The following ADGRL2 variants were observed in gnomAD, a reference collection of about 807,000 sequenced individuals.
The protein encoded by ADGRL2 is calcium-independent alpha-latrotoxin receptor 2.
In ADGRL2, 44 loss-of-function variants were observed where a neutral mutation model predicts 157.4. The ratio of observed to expected loss-of-function variants is 0.28; its 90% confidence interval spans 0.22 to 0.36. The LOEUF is 0.36. ADGRL2 is among the 10% of genes least tolerant of loss of function. The pLI, the probability that ADGRL2 is intolerant of heterozygous loss-of-function variation, is 1.00. For missense variants in ADGRL2, 1,510 were observed against 1,768.9 expected (o/e 0.85, Z 2.63); for synonymous variants, 585 against 624.7 (o/e 0.94, Z 0.95).
chr1:81,545,753 T>A (rs1420889380), intron 2 of ADGRL2, among the ~76,000 whole-genome samples: 1 of 152,182 alleles, frequency 6.6e-6, no homozygotes, highest in African/African-American at 2.4e-5. Context: ...GGCTAGTAAA[T>A]GATGATTCTA....
At chr1:81,367,498 G>A (rs1408256581) in intron 1 of ADGRL2, among the ~76,000 whole-genome samples, 1 of 152,174 alleles carries the variant, frequency 6.6e-6, no homozygotes, top group Non-Finnish European at 1.5e-5. Context: ...GGGTTAGTTT[G>A]CCAAGGATAA....
At chr1:81,917,677 A>ATT (rs1557908494) in intron 3 of ADGRL2, among the ~76,000 whole-genome samples, 6 of 152,180 alleles carry the variant, frequency 3.9e-5, no homozygotes, top group Non-Finnish European at 8.8e-5. Context: ...TCACCTATCT[A>ATT]CATTACTCAT....
intron 2 of ADGRL2, among the ~76,000 whole-genome samples, chr1:81,782,279 T>C (rs1178102601): frequency 6.6e-6 from 1 of 152,176 alleles, no homozygotes; most frequent in Non-Finnish European, 1.5e-5. Flanking sequence ...TCCTTCTTCT[T>C]ATTGAATTAA....
chr1:81,655,519 C>T (rs2082514766), intron 3 of ADGRL2, among the ~76,000 whole-genome samples: 1 of 152,158 alleles, frequency 6.6e-6, no homozygotes, highest in African/African-American at 2.4e-5. Context: ...TACACGCGTC[C>T]TCAAAGTTCC....
At chr1:81,801,767 G>T (rs1236749526) in intron 1 of ADGRL2, among the ~76,000 whole-genome samples, 1 of 152,160 alleles carries the variant, frequency 6.6e-6, no homozygotes, top group Non-Finnish European at 1.5e-5. Context: ...AAACTGAGTT[G>T]GCCTCGCGCC....
At chr1:81,508,863 TA>T (rs2079026674) in intron 2 of ADGRL2, among the ~76,000 whole-genome samples, 1 of 152,176 alleles carries the variant, frequency 6.6e-6, no homozygotes, top group Non-Finnish European at 1.5e-5. Flanking sequence ...TATATATTAT[TA>T]GTTGGAAAAT....
At position 81,680,418 on chromosome 1, in the gene ADGRL2, A is replaced by C. The variant is rs1230753547; in HGVS notation, c.-142-81393A>C. ...TTCAGATACATTTATTGAGTAGGGC[A>C]GCAGCCGAAAATGGAAATGAAACCG... is the stretch of plus-strand genomic sequence containing the variant. On this transcript the variant is annotated intron_variant, in intron 3 of 24. Transcript: ENST00000370721. Among the ~76,000 whole-genome samples the C allele has an allele frequency of 2.6e-5, 4 of 152,196 alleles. No homozygotes were observed. The East Asian group carries it at 7.7e-4, about 29-fold the overall frequency.
intron 17 of ADGRL2, 77 bp downstream of exon 17, chr1:81,971,995 ATTGT>A: frequency 5.7e-6 from 5 of 879,400 alleles, no homozygotes; most frequent in South Asian, 3.2e-5. Flanking sequence ...AATTTGTTTT[ATTGT>A]TTGTTTATCT....
At chr1:81,327,840 T>G (rs566214219) in intron 1 of ADGRL2, among the ~76,000 whole-genome samples, 1 of 152,244 alleles carries the variant, frequency 6.6e-6, no homozygotes, top group South Asian at 2.1e-4. Flanking sequence ...GTTTAAAACG[T>G]ATAGGTCATC....
At chr1:81,616,726 G>A (rs1156665777) in intron 3 of ADGRL2, among the ~76,000 whole-genome samples, 1 of 133,762 alleles carries the variant, frequency 7.5e-6, no homozygotes, top group Admixed American at 8.9e-5. Flanking sequence ...GCCCTGGCTG[G>A]AGTGCAGTGG....
chr1:81,883,539 T>C (rs537100508), intron 2 of ADGRL2, among the ~76,000 whole-genome samples: 16 of 152,202 alleles, frequency 1.1e-4, no homozygotes, highest in Admixed American at 6.5e-4. Context: ...AAAATAAAAA[T>C]GGGGGGAAAG....
chr1:81,874,731 A>C (rs2093791461), intron 2 of ADGRL2, among the ~76,000 whole-genome samples: 1 of 146,876 alleles, frequency 6.8e-6, no homozygotes, highest in African/African-American at 2.5e-5. Flanking sequence ...TCTGAGATGG[A>C]GTCTTGCTCT....
intron 3 of ADGRL2, among the ~76,000 whole-genome samples, chr1:81,633,758 T>A (rs2148767845): frequency 6.6e-6 from 1 of 152,232 alleles, no homozygotes; most frequent in East Asian, 1.9e-4. Context: ...CATCGTTAAG[T>A]CTTGTTGTTT....
At chr1:81,307,423 A>T (rs1444255713) in intron 1 of ADGRL2, among the ~76,000 whole-genome samples, 1 of 152,206 alleles carries the variant, frequency 6.6e-6, no homozygotes, top group African/African-American at 2.4e-5. Context: ...CTGAAATGTC[A>T]TAACATTATA....
intron 3 of ADGRL2, among the ~76,000 whole-genome samples, chr1:81,691,006 A>G (rs1313246754): frequency 6.6e-6 from 1 of 152,218 alleles, no homozygotes; most frequent in Non-Finnish European, 1.5e-5. Context: ...AATCAGCAGC[A>G]GGGGAAAATT....
intron 2 of ADGRL2, among the ~76,000 whole-genome samples, chr1:81,891,362 T>G (rs1283604144): frequency 6.6e-6 from 1 of 152,026 alleles, no homozygotes; most frequent in Non-Finnish European, 1.5e-5. Flanking sequence ...CTTAGTCAAG[T>G]TTTTTGGTTA....
chr1:81,991,095 C>T lies in ADGRL2; in HGVS notation c.4360C>T (p.Pro1454Ser), dbSNP rs754139691. The T allele has an allele frequency of 1.2e-6, 2 of 1,611,644 alleles. No homozygotes were observed. Among genetic ancestry groups the T allele is most frequent in the South Asian group, 2.2e-5 (2 of 91,056 alleles). The change falls in exon 24 of 24, where the codon CCA becomes TCA. Residue 1454 changes from proline to serine, a missense_variant. By Grantham distance (74) the Pro-to-Ser change is moderately conservative. Transcript: ENST00000686636. ...CCCCATTAACAAAGAAGGGTGTATT[C>T]CAGAAGGAGATGTTAGAGAAGGACA... ...IIPINKEGCI[P>S]EGDVREGQMQ...
intron 3 of ADGRL2, among the ~76,000 whole-genome samples, chr1:81,683,540 G>A (rs372649799): frequency 9.9e-5 from 15 of 152,082 alleles, no homozygotes; most frequent in Non-Finnish European, 1.6e-4. Flanking sequence ...GAGAACATAC[G>A]ATGTTTGATT....
chr1:81,326,847 T>A (rs1660937774), intron 1 of ADGRL2, among the ~76,000 whole-genome samples: 1 of 152,212 alleles, frequency 6.6e-6, no homozygotes, highest in Admixed American at 6.5e-5. Flanking sequence ...CAGATATGTT[T>A]TAAATCAGCT....
Sources: allele counts gnomAD v4.1 joint callset (sites outside exome capture counted in the v4.1 genomes callset), GRCh38; gene constraint gnomAD v4.1.1; transcripts MANE v1.5; gene names NCBI Gene and HGNC (gene_info 2026-07-23, HGNC 2026-07-21).